Variants in ST8SIA6 observed in about 807,000 individuals in gnomAD.
ST8SIA6 encodes ST8 alpha-N-acetyl-neuraminide alpha-2,8-sialyltransferase 6, also known as alpha-2,8-sialyltransferase 8F.
Under a neutral mutation model 33.6 loss-of-function variants are expected in ST8SIA6, and 39 were observed. The ratio of observed to expected loss-of-function variants is 1.16; its 90% confidence interval spans 0.90 to 1.52. ST8SIA6 has a LOEUF of 1.52. Among genes scored for constraint, ST8SIA6 ranks in the 40% most tolerant of loss-of-function variants. The pLI is 0.00. For missense variants in ST8SIA6, 441 were observed against 443.8 expected (o/e 0.99, Z 0.06); for synonymous variants, 172 against 167.2 (o/e 1.03, Z -0.22).
chr10:17,410,431 C>G (rs1851413675), intron 2 of ST8SIA6: 1 of 152,168 alleles, frequency 6.6e-6, no homozygotes, highest in Non-Finnish European at 1.5e-5. Flanking sequence ...ACAAGAATCT[C>G]CCCATCAACC....
At chr10:17,431,332 A>G (rs1283716530) in intron 2 of ST8SIA6, among the ~76,000 whole-genome samples, 1 of 152,210 alleles carries the variant, frequency 6.6e-6, no homozygotes, top group Non-Finnish European at 1.5e-5. Context: ...ACATTTATAT[A>G]AAAGAAATTT....
chr10:17,390,626 T>C lies in ST8SIA6; in HGVS notation c.201-6A>G. ...ACTTCTCATTCAGATATGTGCTGTT[T>C]CATGAAAGAGATTTTTAAAAAGATT... On this transcript the variant is annotated splice_region_variant and splice_polypyrimidine_tract_variant and intron_variant, in intron 2 of 7. Coordinates refer to ENST00000377602, the MANE Select transcript of ST8SIA6 (RefSeq NM_001004470.3). The C allele has an allele frequency of 6.2e-7, 1 of 1,601,848 alleles. No homozygotes were observed. Among genetic ancestry groups the C allele is most frequent in the South Asian group, 1.1e-5 (1 of 89,020 alleles).
At chr10:17,325,025 T>C (rs1463471572) in intron 6 of ST8SIA6, among the ~76,000 whole-genome samples, 1 of 143,266 alleles carries the variant, frequency 7.0e-6, no homozygotes, top group South Asian at 2.2e-4. Flanking sequence ...AATACTGTTA[T>C]ATAATTGTAT....
chr10:17,393,935 T>C (rs1221530277), intron 2 of ST8SIA6, among the ~76,000 whole-genome samples: 1 of 152,234 alleles, frequency 6.6e-6, no homozygotes, highest in Non-Finnish European at 1.5e-5. Flanking sequence ...CATCACCTTC[T>C]GTGCTTTCTG....
chr10:17,378,671 T>C (rs1475179599), intron 3 of ST8SIA6, among the ~76,000 whole-genome samples: 2 of 152,108 alleles, frequency 1.3e-5, no homozygotes, highest in Non-Finnish European at 2.9e-5. Flanking sequence ...AAGTAGTGCA[T>C]CTCCAATGCG....
At chr10:17,415,384 A>G (rs1251170793) in intron 2 of ST8SIA6, among the ~76,000 whole-genome samples, 3 of 152,170 alleles carry the variant, frequency 2.0e-5, no homozygotes, top group Non-Finnish European at 2.9e-5. Flanking sequence ...GGGTATCTCA[A>G]TGACTGGGAG....
At chr10:17,363,225 C>T (rs1849452213) in intron 3 of ST8SIA6, among the ~76,000 whole-genome samples, 1 of 152,074 alleles carries the variant, frequency 6.6e-6, no homozygotes, top group South Asian at 2.1e-4. Flanking sequence ...CTCAATAGCT[C>T]ATTAGTCAAT....
chr10:17,353,788 T>A (rs924329818), intron 4 of ST8SIA6, among the ~76,000 whole-genome samples: 1 of 152,148 alleles, frequency 6.6e-6, no homozygotes, highest in Admixed American at 6.6e-5. Context: ...CCACTAAGTT[T>A]TCAGTAAATA....
rs74117633 is a variant in ST8SIA6 at position 17,315,564 on chromosome 10, A to G, written c.*5314T>C. 0.024 allele frequency among the ~76,000 whole-genome samples: 3,593 copies of G among 152,150 alleles called. 148 individuals are homozygous for G. The highest frequency in any genetic ancestry group is 0.082 in the African/African-American group (3,422 of 41,558). On this transcript the variant is annotated 3_prime_UTR_variant, in exon 8 of 8. Transcript: ENST00000377602. ...AAATAAAGGCATAAACTACAGATAC[A>G]CAATCAACATGAATGAGTTTTAATA...
At chr10:17,421,108 G>T (rs376168023) in intron 2 of ST8SIA6, among the ~76,000 whole-genome samples, 1 of 152,156 alleles carries the variant, frequency 6.6e-6, no homozygotes, top group African/African-American at 2.4e-5. Context: ...AAGAGATTTG[G>T]GTGGAGACAC....
At position 17,317,668 on chromosome 10, in the gene ST8SIA6, T is replaced by G. The variant is rs374207635; in HGVS notation, c.*3210A>C. 1.5e-4 allele frequency among the ~76,000 whole-genome samples: 23 copies of G among 152,178 alleles called. No homozygotes were observed. Among genetic ancestry groups the G allele is most frequent in the East Asian group, 1.3e-3 (7 of 5,196 alleles). On this transcript the variant is annotated 3_prime_UTR_variant, in exon 8 of 8. Transcript: ENST00000377602. ...TCCCAAAGCTTCCTAATTCATGGAG[T>G]GATTTACGGTACTTGACATTACATA...
chr10:17,378,082 G>T (rs1003563374), intron 3 of ST8SIA6, among the ~76,000 whole-genome samples: 3 of 152,158 alleles, frequency 2.0e-5, no homozygotes, highest in African/African-American at 7.2e-5. Flanking sequence ...GTGTTTAATG[G>T]AAAGGCATCC....
chr10:17,329,822 G>A (rs1848240920), intron 5 of ST8SIA6, among the ~76,000 whole-genome samples: 2 of 152,154 alleles, frequency 1.3e-5, no homozygotes, highest in African/African-American at 4.8e-5. Flanking sequence ...AAATGCAAAT[G>A]TGCACGCTCC....
At chr10:17,388,258 A>G (rs1284679327) in intron 3 of ST8SIA6, among the ~76,000 whole-genome samples, 3 of 152,210 alleles carry the variant, frequency 2.0e-5, no homozygotes, top group African/African-American at 7.2e-5. Context: ...TGGATCCTGG[A>G]TTCCATTAAC....
chr10:17,323,230 C>CGCACGCACACACAA, intron 6 of ST8SIA6, 73 bp from the exon 7 acceptor site: 1 of 434,756 alleles, frequency 2.3e-6, no homozygotes, highest in Non-Finnish European at 3.6e-6. Flanking sequence ...CATATGCGCG[C>CGCACGCACACACAA]ACACACACAC....
At chr10:17,382,872 A>C (rs1198234935) in intron 3 of ST8SIA6, among the ~76,000 whole-genome samples, 3 of 152,356 alleles carry the variant, frequency 2.0e-5, no homozygotes, top group African/African-American at 7.2e-5. Flanking sequence ...TTAGTGTCAA[A>C]GGCACACTGA....
intron 2 of ST8SIA6, among the ~76,000 whole-genome samples, chr10:17,444,515 A>G (rs376796322): frequency 6.6e-6 from 1 of 152,170 alleles, no homozygotes; most frequent in Non-Finnish European, 1.5e-5. Context: ...CCACAGAGGA[A>G]AGGCAATAGC....
intron 3 of ST8SIA6, among the ~76,000 whole-genome samples, chr10:17,373,129 A>G (rs1849788465): frequency 6.6e-6 from 1 of 152,222 alleles, no homozygotes; most frequent in African/African-American, 2.4e-5. Context: ...AGGCTGATTT[A>G]TAACCCAGAT....
chr10:17,343,819 T>A (rs1288299785), intron 4 of ST8SIA6, among the ~76,000 whole-genome samples: 3 of 152,176 alleles, frequency 2.0e-5, no homozygotes, highest in African/African-American at 7.2e-5. Context: ...GTGGCTCAGA[T>A]AGGAGCATAA....
Sources: allele counts gnomAD v4.1 joint callset (sites outside exome capture counted in the v4.1 genomes callset), GRCh38; gene constraint gnomAD v4.1.1; transcripts MANE v1.5; gene names NCBI Gene and HGNC (gene_info 2026-07-23, HGNC 2026-07-21).